Variants in PDZRN4 observed in about 807,000 individuals in gnomAD.
PDZRN4 encodes the protein PDZ domain-containing RING finger protein 4.
In PDZRN4, 70 loss-of-function variants were observed where a neutral mutation model predicts 99.0. The ratio of observed to expected loss-of-function variants is 0.71; its 90% confidence interval spans 0.58 to 0.86. The LOEUF (loss-of-function observed/expected upper bound fraction) is 0.86. Among genes scored for constraint, PDZRN4 ranks in the 40% least tolerant of loss-of-function variants. PDZRN4 has a pLI of 0.00. For synonymous variants in PDZRN4, 551 were observed against 501.6 expected (o/e 1.10, Z -1.32); for missense variants, 1,474 against 1,331.2 (o/e 1.11, Z -1.67).
chr12:41,514,302 G>T (rs891108745), intron 5 of PDZRN4, among the ~76,000 whole-genome samples: 4 of 151,946 alleles, frequency 2.6e-5, no homozygotes, highest in African/African-American at 9.7e-5. Context: ...GTGTCATTTT[G>T]CAAAATGTAT....
At chr12:41,320,674 C>T (rs1951670690) in intron 3 of PDZRN4, among the ~76,000 whole-genome samples, 2 of 150,954 alleles carry the variant, frequency 1.3e-5, no homozygotes, top group Admixed American at 6.6e-5. Flanking sequence ...AAATAGTTGA[C>T]TCAGTACGGT....
chr12:41,469,969 G>A (rs879729167), intron 3 of PDZRN4, among the ~76,000 whole-genome samples: 11 of 151,972 alleles, frequency 7.2e-5, no homozygotes, highest in Admixed American at 3.3e-4. Context: ...AAAAATAAAT[G>A]CTTCATAAAA....
intron 3 of PDZRN4, among the ~76,000 whole-genome samples, chr12:41,279,790 A>G (rs994420105): frequency 6.6e-6 from 1 of 152,228 alleles, no homozygotes; most frequent in African/African-American, 2.4e-5. Flanking sequence ...GATAGCCTAT[A>G]AAGAGACAAT....
intron 3 of PDZRN4, among the ~76,000 whole-genome samples, chr12:41,322,828 T>C (rs1389586218): frequency 1.3e-5 from 2 of 152,140 alleles, no homozygotes; most frequent in Non-Finnish European, 2.9e-5. Flanking sequence ...AATATCTTCA[T>C]TTAAAGGAAT....
intron 3 of PDZRN4, among the ~76,000 whole-genome samples, chr12:41,450,843 G>T (rs554463939): frequency 5.4e-4 from 82 of 152,220 alleles, no homozygotes; most frequent in African/African-American, 2.0e-3. Flanking sequence ...CAAGAGGATT[G>T]CTTGAGGCTG....
chr12:41,387,950 C>T (rs985856587), intron 3 of PDZRN4, among the ~76,000 whole-genome samples: 1 of 152,194 alleles, frequency 6.6e-6, no homozygotes, highest in Non-Finnish European at 1.5e-5. Flanking sequence ...GAGTATAACT[C>T]ACTCTATTAT....
At chr12:41,327,816 G>A (rs958963142) in intron 3 of PDZRN4, among the ~76,000 whole-genome samples, 3 of 152,136 alleles carry the variant, frequency 2.0e-5, no homozygotes, top group African/African-American at 7.2e-5. Context: ...GTGTGTCTGT[G>A]TGTGTGTGTG....
chr12:41,257,423 C>T (rs929759372), intron 3 of PDZRN4, among the ~76,000 whole-genome samples: 1 of 152,152 alleles, frequency 6.6e-6, no homozygotes, highest in Admixed American at 6.5e-5. Context: ...TAGGCCCTGC[C>T]TTCTAATACC....
At chr12:41,221,137 T>A (rs1950952891) in intron 3 of PDZRN4, among the ~76,000 whole-genome samples, 1 of 152,156 alleles carries the variant, frequency 6.6e-6, no homozygotes, top group Non-Finnish European at 1.5e-5. Context: ...GAGGCCAGAT[T>A]CCAGAGTCCT....
At chr12:41,313,701 A>G (rs1173574021) in intron 3 of PDZRN4, among the ~76,000 whole-genome samples, 1 of 152,200 alleles carries the variant, frequency 6.6e-6, no homozygotes, top group African/African-American at 2.4e-5. Context: ...TTGCTGTGTG[A>G]ACTTGTCATA....
At chr12:41,550,501 C>G (rs973542413) in intron 5 of PDZRN4, among the ~76,000 whole-genome samples, 1 of 152,122 alleles carries the variant, frequency 6.6e-6, no homozygotes, top group Non-Finnish European at 1.5e-5. Flanking sequence ...TTAATTATTA[C>G]CAGTTTTGAA....
At chr12:41,512,129 G>A (rs189527019) in intron 5 of PDZRN4, among the ~76,000 whole-genome samples, 1 of 152,164 alleles carries the variant, frequency 6.6e-6, no homozygotes, top group East Asian at 1.9e-4. Context: ...GCACAACCAG[G>A]CAATCAAGGA....
intron 5 of PDZRN4, among the ~76,000 whole-genome samples, chr12:41,534,469 T>C (rs1004090240): frequency 2.0e-5 from 3 of 152,084 alleles, no homozygotes; most frequent in Non-Finnish European, 4.4e-5. Flanking sequence ...TCACAGGCTC[T>C]AGTGTGTGTT....
intron 5 of PDZRN4, among the ~76,000 whole-genome samples, chr12:41,535,971 G>A (rs1357966455): frequency 2.0e-5 from 3 of 152,090 alleles, no homozygotes; most frequent in Non-Finnish European, 4.4e-5. Flanking sequence ...CCCTTGGGAG[G>A]GGTCCTGTGT....
chr12:41,505,379 A>G (rs1189852742), intron 3 of PDZRN4, among the ~76,000 whole-genome samples: 2 of 152,180 alleles, frequency 1.3e-5, no homozygotes, highest in African/African-American at 4.8e-5. Flanking sequence ...GGCGAGAGTC[A>G]TAAAGCTCTT....
At chr12:41,203,129 A>G (rs7296581) in intron 3 of PDZRN4, among the ~76,000 whole-genome samples, 105,917 of 151,730 alleles carry the variant, frequency 0.7, 37,200 homozygotes, top group South Asian at 0.76. Flanking sequence ...GGCTTTTGTT[A>G]CGGAAGGTTG....
At chr12:41,268,227 C>G (rs1566408769) in intron 3 of PDZRN4, among the ~76,000 whole-genome samples, 1 of 152,156 alleles carries the variant, frequency 6.6e-6, no homozygotes, top group Non-Finnish European at 1.5e-5. Flanking sequence ...GTTGTGTCAA[C>G]TTTACAGATG....
At chr12:41,570,813 T>C (rs1366557898) in intron 9 of PDZRN4, among the ~76,000 whole-genome samples, 1 of 152,180 alleles carries the variant, frequency 6.6e-6, no homozygotes, top group African/African-American at 2.4e-5. Flanking sequence ...CAGTTACTTA[T>C]TATAATTTTT....
At chr12:41,565,961 T>C (rs1244364259) in intron 8 of PDZRN4, among the ~76,000 whole-genome samples, 2 of 152,170 alleles carry the variant, frequency 1.3e-5, no homozygotes, top group Non-Finnish European at 2.9e-5. Context: ...GATGTCTGTC[T>C]CTGCCGTTAC....
Sources: gnomAD v4.1 joint callset for allele counts (sites outside exome capture counted in the v4.1 genomes callset) on GRCh38, gnomAD v4.1.1 for gene constraint, MANE v1.5 for transcripts, NCBI Gene and HGNC (gene_info 2026-07-23, HGNC 2026-07-21) for gene names.